Variants in CTNNA2 observed in about 807,000 individuals in gnomAD.
CTNNA2 encodes the protein catenin alpha-2.
A neutral mutation model predicts 101.0 loss-of-function variants in CTNNA2; 42 were observed. That is an observed-to-expected ratio of 0.42 (90% CI 0.32 to 0.54). The LOEUF (loss-of-function observed/expected upper bound fraction) is 0.54. Ranked by LOEUF, CTNNA2 falls within the 20% of genes least tolerant of loss-of-function variation. The pLI is 0.14. For synonymous variants in CTNNA2, 450 were observed against 456.4 expected (o/e 0.99, Z 0.18); for missense variants, 871 against 1,223.1 (o/e 0.71, Z 4.29).
intron 7 of CTNNA2, among the ~76,000 whole-genome samples, chr2:80,093,454 G>T (rs1458216679): frequency 1.3e-5 from 2 of 152,064 alleles, no homozygotes; most frequent in Admixed American, 6.5e-5. Context: ...GAATAGTGCC[G>T]CAATAAACAT....
intron 3 of CTNNA2, among the ~76,000 whole-genome samples, chr2:79,767,457 A>T (rs572033404): frequency 6.6e-6 from 1 of 152,072 alleles, no homozygotes; most frequent in African/African-American, 2.4e-5. Flanking sequence ...TATTTTAATG[A>T]TCACTGTCTG....
At chr2:79,511,265 C>T (rs1671532121), upstream of CTNNA2, among the ~76,000 whole-genome samples, 1 of 152,108 alleles carries the variant, frequency 6.6e-6, no homozygotes, top group African/African-American at 2.4e-5. Context: ...TGGTGCTTAC[C>T]ACATCTTACC....
intron 2 of CTNNA2, among the ~76,000 whole-genome samples, chr2:79,664,023 A>G (rs1419540840): frequency 2.0e-5 from 3 of 152,218 alleles, no homozygotes; most frequent in Admixed American, 6.5e-5. Context: ...TTTATTGTGC[A>G]TTTTAAAAGA....
chr2:80,569,648 T>A (rs1163691688), intron 12 of CTNNA2, among the ~76,000 whole-genome samples: 3 of 107,816 alleles, frequency 2.8e-5, no homozygotes, highest in African/African-American at 6.3e-5. Context: ...TTTTTTTTTT[T>A]TTTTTTTTTT....
At chr2:80,598,841 G>GA (rs968020909) in intron 15 of CTNNA2, among the ~76,000 whole-genome samples, 6 of 152,208 alleles carry the variant, frequency 3.9e-5, no homozygotes, top group African/African-American at 1.4e-4. Flanking sequence ...TAGAGGTGGA[G>GA]AAGAGATTCA....
intron 4 of CTNNA2, among the ~76,000 whole-genome samples, chr2:79,406,821 T>C (rs1222861521): frequency 6.6e-6 from 1 of 152,032 alleles, no homozygotes; most frequent in African/African-American, 2.4e-5. Context: ...ACTCAGTGTC[T>C]GAGTGCTTTC....
intron 7 of CTNNA2, among the ~76,000 whole-genome samples, chr2:80,066,978 A>G (rs1698028358): frequency 6.6e-6 from 1 of 152,216 alleles, no homozygotes. Context: ...AAGTGAAATA[A>G]GCCAGGCATA....
intron 9 of CTNNA2, among the ~76,000 whole-genome samples, chr2:80,423,937 G>T (rs1437283507): frequency 1.3e-5 from 2 of 152,088 alleles, no homozygotes. Context: ...GGGTAGGACT[G>T]ACTTAAAAAC....
At chr2:79,392,778 T>A (rs1678188947) in intron 4 of CTNNA2, among the ~76,000 whole-genome samples, 1 of 152,198 alleles carries the variant, frequency 6.6e-6, no homozygotes, top group African/African-American at 2.4e-5. Flanking sequence ...AACCTGTTTT[T>A]TCCTTATTAC....
At chr2:79,454,828 A>G (rs535740902) in intron 4 of CTNNA2, among the ~76,000 whole-genome samples, 1 of 152,318 alleles carries the variant, frequency 6.6e-6, no homozygotes, top group South Asian at 2.1e-4. Context: ...TCTATAAAAC[A>G]TTACTGCAAA....
intron 7 of CTNNA2, among the ~76,000 whole-genome samples, chr2:80,353,169 CATTTAG>C (rs1673472434): frequency 1.3e-5 from 2 of 152,016 alleles, no homozygotes. Context: ...ATTTCCCCTC[CATTTAG>C]ATTTAGATTT....
intron 17 of CTNNA2, among the ~76,000 whole-genome samples, chr2:80,613,200 T>C (rs2149792784): frequency 6.6e-6 from 1 of 151,632 alleles, no homozygotes; most frequent in Middle Eastern, 3.4e-3. Flanking sequence ...ATAGTGAAAC[T>C]ATAACCATTT....
At chr2:79,896,080 C>T (rs1015692214) in intron 6 of CTNNA2, among the ~76,000 whole-genome samples, 7 of 151,810 alleles carry the variant, frequency 4.6e-5, no homozygotes, top group African/African-American at 9.7e-5. Flanking sequence ...TCTGGGAGGT[C>T]GAAACCAGCC....
At chr2:80,587,995 A>C (rs1696123300) in intron 14 of CTNNA2, among the ~76,000 whole-genome samples, 2 of 152,382 alleles carry the variant, frequency 1.3e-5, no homozygotes, top group East Asian at 1.9e-4. Context: ...ACATTTAATT[A>C]GCAAATATTT....
rs185630179 is a variant in CTNNA2 at position 79,726,896 on chromosome 2, G to T, written c.103-17491G>T. ...TTAGGTTTTGGATTTGTTATTGTTGGTTAAAAAAATTCCTTGGCTATAAAA... is the reference window on the plus strand; with the variant it reads ...TTAGGTTTTGGATTTGTTATTGTTGTTTAAAAAAATTCCTTGGCTATAAAA... On this transcript the variant is annotated intron_variant, in intron 2 of 18. Coordinates refer to ENST00000402739, the MANE Select transcript of CTNNA2 (RefSeq NM_001282597.3). Among the ~76,000 whole-genome samples, 129 of 152,216 alleles carry T rather than the reference G, an allele frequency of 8.5e-4. 2 individuals carry two copies. The highest frequency in any genetic ancestry group is 3.0e-3 in the African/African-American group (125 of 41,522).
chr2:80,501,819 G>A (rs1687904529), intron 9 of CTNNA2, among the ~76,000 whole-genome samples: 1 of 152,234 alleles, frequency 6.6e-6, no homozygotes. Flanking sequence ...CCTTAAAGGG[G>A]TGCAGGTACT....
intron 2 of CTNNA2, among the ~76,000 whole-genome samples, chr2:79,221,454 A>G (rs1016878200): frequency 3.3e-5 from 5 of 152,228 alleles, no homozygotes; most frequent in East Asian, 1.9e-4. Context: ...TGGCAAAAAT[A>G]TAAATTTCTA....
At chr2:79,378,280 G>A (rs1051570548) in intron 4 of CTNNA2, among the ~76,000 whole-genome samples, 3 of 152,286 alleles carry the variant, frequency 2.0e-5, no homozygotes, top group African/African-American at 7.2e-5. Flanking sequence ...AGGAATTGAG[G>A]AGAGAAAAGA....
chr2:80,369,275 A>G (rs1017764799), intron 7 of CTNNA2, among the ~76,000 whole-genome samples: 1 of 152,068 alleles, frequency 6.6e-6, no homozygotes, highest in Admixed American at 6.6e-5. Context: ...ATTTTCATAT[A>G]TCTAAACGTT....
Sources: allele counts gnomAD v4.1 joint callset (sites outside exome capture counted in the v4.1 genomes callset), GRCh38; gene constraint gnomAD v4.1.1; transcripts MANE v1.5; gene names NCBI Gene and HGNC (gene_info 2026-07-23, HGNC 2026-07-21).